MDN1: variants seen among roughly 807,000 people sequenced by gnomAD.
MDN1 encodes midasin AAA ATPase 1.
A neutral mutation model predicts 669.2 loss-of-function variants in MDN1; 266 were observed. The ratio of observed to expected loss-of-function variants is 0.40; its 90% CI spans 0.36 to 0.44. The LOEUF (loss-of-function observed/expected upper bound fraction) is 0.44, where lower values mean the gene tolerates loss of function less well. Ranked by LOEUF, MDN1 falls within the 20% of genes least tolerant of loss-of-function variation. The pLI is 1.00. For missense variants in MDN1, 5,940 were observed against 6,754.0 expected (o/e 0.88, Z 4.22); for synonymous variants, 2,385 against 2,457.1 (o/e 0.97, Z 0.87).
Position 89,707,400 on chromosome 6 carries a change from T to C in MDN1, c.7975A>G (p.Arg2659Gly), listed in dbSNP as rs749875445. Reference protein sequence around the residue: ...NLVSVGSKKLRESVLRMSFEF... With the variant: ...NLVSVGSKKLGESVLRMSFEF... ...AAGGACATTCTCAAAACACTCTCTC[T>C]TAGCTTTTTGCTACCAACAGAAACC... The change falls in exon 52 of 102, where the codon AGA becomes GGA. Residue 2659 changes from arginine to glycine, a missense_variant. By Grantham distance (125) the Arg-to-Gly change is moderately radical (BLOSUM62 -2). Coordinates refer to ENST00000369393, the MANE Select transcript of MDN1 (RefSeq NM_014611.3). 2 of 1,613,926 alleles carry C rather than the reference T, an allele frequency of 1.2e-6. No individual in the cohort carries two copies. Among genetic ancestry groups the C allele is most frequent in the Admixed American group, 3.3e-5 (2 of 60,032 alleles).
chr6:89,737,785 G>C (rs752560892), intron 33 of MDN1, among the ~76,000 whole-genome samples: 1 of 148,886 alleles, frequency 6.7e-6, no homozygotes, highest in Admixed American at 6.7e-5. Context: ...GTGCAATGGC[G>C]CGATCTTGGA....
At chr6:89,669,800 T>G (rs1055280011) in intron 83 of MDN1, among the ~76,000 whole-genome samples, 1 of 152,004 alleles carries the variant, frequency 6.6e-6, no homozygotes, top group Non-Finnish European at 1.5e-5. Flanking sequence ...GCTGTTAGAT[T>G]TCACTGTCTA....
In MDN1 at chr6:89,743,624, T is replaced by C. The variant is rs1430369440; in HGVS notation, c.4269A>G (p.Ser1423=). ...SVSCHLHMET[S]DFLGGLRPVR... ...CTGGCCGCAGGCCACCCAGGAAGTC[T>C]GATGTCTCCATGTGTAAGTGGCAGC... The change falls in exon 30 of 102, where the codon TCA becomes TCG. Residue 1423 remains serine (S), a synonymous_variant. Transcript: ENST00000369393. The C allele has an allele frequency of 3.1e-6, 5 of 1,614,054 alleles. No individual in the cohort carries two copies. The highest frequency in any genetic ancestry group is 4.2e-6 in the Non-Finnish European group (5 of 1,180,006).
intron 20 of MDN1, 101 bp downstream of exon 20, chr6:89,756,176 A>C: frequency 1.8e-6 from 1 of 548,164 alleles, no homozygotes; most frequent in Non-Finnish European, 3.2e-6. Context: ...CAGTTTTCTC[A>C]AGTTAGAAGT....
intron 90 of MDN1, 30 bp from the exon 91 acceptor site, chr6:89,656,831 G>T (rs570427247): frequency 1.3e-6 from 2 of 1,580,876 alleles, no homozygotes; most frequent in Non-Finnish European, 1.7e-6. Flanking sequence ...AAAGAATGAG[G>T]TGAAAGAAGC....
intron 73 of MDN1, among the ~76,000 whole-genome samples, chr6:89,682,715 A>AC (rs1811715219): frequency 3.9e-5 from 3 of 77,536 alleles, no homozygotes. Flanking sequence ...AAAAAAAAAA[A>AC]AAAAAAAAAA....
Position 89,695,632 on chromosome 6 carries a change from C to T in MDN1, c.9744G>A (p.Glu3248=), listed in dbSNP as rs777037071. 50 of 1,604,604 alleles carry T rather than the reference C, an allele frequency of 3.1e-5. 1 individual carries two copies. The South Asian group carries it at 4.6e-4, about 15-fold the overall frequency. ...QARFDPAVKR[E]YKLNYVKEEL... ...CTTCCTTGACGTAATTGAGCTTGTA[C>T]TCCCTCTTCACCGCAGGGTCAAAGC... The change falls in exon 61 of 102, where the codon GAG becomes GAA. Residue 3248 remains glutamate, a synonymous_variant. Transcript: ENST00000369393. This position sits in a 1 kb window ranked among gnomAD's most constrained non-coding sequence, Gnocchi z 4.1.
chr6:89,720,423 A>T (rs1814740358), intron 40 of MDN1, among the ~76,000 whole-genome samples: 1 of 151,738 alleles, frequency 6.6e-6, no homozygotes, highest in Admixed American at 6.6e-5. Flanking sequence ...AAAAATTCCC[A>T]ATCTAGCTCT....
At chr6:89,690,292 G>A in intron 64 of MDN1, 149 bp from the exon 65 acceptor site, 3 of 930,216 alleles carry the variant, frequency 3.2e-6, no homozygotes, top group Non-Finnish European at 4.7e-6. Flanking sequence ...AAGACTACAG[G>A]CTGGGCACAG....
chr6:89,773,975 A>G (rs1384254115), intron 13 of MDN1, among the ~76,000 whole-genome samples: 1 of 151,968 alleles, frequency 6.6e-6, no homozygotes, highest in Non-Finnish European at 1.5e-5. Flanking sequence ...AAAAAGAAAA[A>G]AAAAAAAAGA....
In MDN1 at chr6:89,738,337, A is replaced by G. The variant is rs1032371201; in HGVS notation, c.4712T>C (p.Ile1571Thr). The G allele has an allele frequency of 4.3e-6, 7 of 1,613,916 alleles. No homozygotes were observed. The highest frequency in any genetic ancestry group is 4.0e-5 in the African/African-American group (3 of 74,916). ...CTGCAAACTCTCACCTTTAGGATCT[A>G]TTCTGCCCAGACACAATCCTGGACG... ...NLRPGLCLGR[I>T]DPKGSDIPEV... Residue 1571 changes from isoleucine to threonine, a missense_variant, in exon 33 of 102, where the codon ATA becomes ACA. Ile to Thr is a moderately conservative substitution (Grantham distance 89). Transcript: ENST00000369393.
intron 62 of MDN1, 32 bp from the exon 63 acceptor site, chr6:89,693,180 T>TA (rs1421149496): frequency 1.4e-6 from 2 of 1,467,590 alleles, no homozygotes; most frequent in Non-Finnish European, 1.8e-6. Flanking sequence ...ATGCCAATTA[T>TA]GTCAGAAGAA....
At chr6:89,722,488 T>C (rs1038375240) in intron 40 of MDN1, among the ~76,000 whole-genome samples, 2 of 152,226 alleles carry the variant, frequency 1.3e-5, no homozygotes, top group East Asian at 3.9e-4. Context: ...CTACTCTATA[T>C]TGTGAGACCC....
In MDN1 at chr6:89,690,081, T is replaced by C; in HGVS notation, c.10812A>G (p.Gln3604=). ...LEENKGTSDG[Q]EEEAGTNPAL... The stretch of plus-strand genomic sequence containing the variant: ...CTGGGTTTGTGCCTGCTTCCTCTTC[T>C]TGCCCATCTGAAGTTCCTTTGTTCT... Residue 3604 remains glutamine, a synonymous_variant, in exon 65 of 102, where the codon CAA becomes CAG. Transcript: ENST00000369393. 1 of 1,614,218 alleles carries C rather than the reference T, an allele frequency of 6.2e-7. No homozygotes were observed. The highest frequency in any genetic ancestry group is 1.7e-5 in the Admixed American group (1 of 60,018).
At position 89,725,298 on chromosome 6, in the gene MDN1, C is replaced by G. The variant is rs746289200; in HGVS notation, c.5571G>C (p.Val1857=). ...CAAAAATCTTCGTCTTTTCATGCTG[C>G]ACTTGAAAGCTCATTCCTAACTCAG... ...YVPELGMSFQ[V]QHEKTKIFGC... is the part of the protein sequence containing the mutation. Residue 1857 remains valine, a synonymous_variant, in exon 38 of 102, where the codon GTG becomes GTC. Coordinates refer to ENST00000369393, the MANE Select transcript of MDN1 (RefSeq NM_014611.3). 6.8e-6 allele frequency: 11 copies of G among 1,613,830 alleles called. No homozygotes were observed. The highest frequency in any genetic ancestry group is 6.7e-5 in the African/African-American group (5 of 74,884).
At chr6:89,696,140 T>A in intron 60 of MDN1, 148 bp from the exon 61 acceptor site, 1 of 1,249,448 alleles carries the variant, frequency 8.0e-7, no homozygotes, top group Non-Finnish European at 1.1e-6. Flanking sequence ...TGGTCTTATT[T>A]GGTTTACTAA....
intron 1 of MDN1, 76 bp from the exon 2 acceptor site, chr6:89,803,630 C>T: frequency 9.3e-7 from 1 of 1,078,856 alleles, no homozygotes; most frequent in Middle Eastern, 3.0e-4. Context: ...CGCCCAGGAG[C>T]AAGTGCAGTG....
At chr6:89,672,798 G>C (rs1810907067) in intron 80 of MDN1, 96 bp from the exon 81 acceptor site, 1 of 1,328,874 alleles carries the variant, frequency 7.5e-7, no homozygotes, top group African/African-American at 1.5e-5. Context: ...CTCATTTATT[G>C]ATGAGCCACT....
Position 89,696,486 on chromosome 6 carries a change from C to T in MDN1, c.9257G>A (p.Ser3086Asn). The T allele has an allele frequency of 6.2e-7, 1 of 1,614,206 alleles. No homozygotes were observed. The highest frequency in any genetic ancestry group is 8.5e-7 in the Non-Finnish European group (1 of 1,180,018). Residue 3086 changes from serine (S) to asparagine (N), a missense_variant, in exon 60 of 102, where the codon AGT becomes AAT. Transcript: ENST00000369393. ...SSWRASPWDV[S>N]GLPILSSSHV... The stretch of plus-strand genomic sequence containing the variant: ...AGAGGAGGAAAGAATGGGGAGGCCA[C>T]TCACATCCCAGGGACTTGCTCTCCA...
Sources: allele counts gnomAD v4.1 joint callset (sites outside exome capture counted in the v4.1 genomes callset), GRCh38; gene constraint gnomAD v4.1.1; non-coding constraint Gnocchi (gnomAD v3.1); transcripts MANE v1.5; gene names NCBI Gene and HGNC (gene_info 2026-07-23, HGNC 2026-07-21).